The following VEGFC variants were observed in gnomAD, a reference collection of about 807,000 sequenced individuals.
VEGFC encodes FLT4 ligand DHM.
VEGFC carries 12 observed loss-of-function variants against 46.1 expected under a neutral mutation model. The observed-to-expected ratio is 0.26, with a 90% CI of 0.17 to 0.42. The LOEUF (loss-of-function observed/expected upper bound fraction) is 0.42. VEGFC is among the 10% of genes least tolerant of loss of function. VEGFC has a pLI of 1.00. For missense variants in VEGFC, 488 were observed against 529.4 expected (o/e 0.92, Z 0.77); for synonymous variants, 232 against 195.5 (o/e 1.19, Z -1.56).
chr4:176,775,536 T>G lies in VEGFC; in HGVS notation c.147+16629A>C, dbSNP rs191164820. 2.1e-3 allele frequency among the ~76,000 whole-genome samples: 322 copies of G among 152,284 alleles called. 1 individual carries two copies. Among genetic ancestry groups the G allele is most frequent in the Middle Eastern group, 0.01 (3 of 294 alleles). On this transcript the variant is annotated intron_variant, in intron 1 of 6. Transcript: ENST00000618562. ...GTAATTGCAGTTAAAACAGTTCATG[T>G]GACATATGCAAGCAGTTGTTGACAG...
intron 1 of VEGFC, among the ~76,000 whole-genome samples, chr4:176,744,826 A>G (rs1019420600): frequency 1.3e-5 from 2 of 152,064 alleles, no homozygotes; most frequent in Non-Finnish European, 2.9e-5. Context: ...GCAGCCAGTA[A>G]GTAGGAAAGA....
At chr4:176,771,665 T>C (rs1300998888) in intron 1 of VEGFC, among the ~76,000 whole-genome samples, 1 of 152,148 alleles carries the variant, frequency 6.6e-6, no homozygotes, top group East Asian at 1.9e-4. Flanking sequence ...CTAAGGTTCT[T>C]GTTATCTGGT....
Position 176,687,535 on chromosome 4 carries a change from A to AG in VEGFC, c.812-16dup, listed in dbSNP as rs1734066768. ...ATCTGTTGAGTCTAGACAAATAGTC[A>AG]GAGAATCTTTACTATACCTTACTTG... On this transcript the variant is annotated splice_polypyrimidine_tract_variant and intron_variant, in intron 5 of 6. Transcript: ENST00000618562. 1.3e-6 allele frequency: 2 copies of AG among 1,555,104 alleles called. No individual in the cohort carries two copies. Among genetic ancestry groups the AG allele is most frequent in the Non-Finnish European group, 8.7e-7 (1 of 1,153,106 alleles).
intron 1 of VEGFC, among the ~76,000 whole-genome samples, chr4:176,749,141 T>C (rs1288274420): frequency 1.3e-5 from 2 of 151,938 alleles, no homozygotes; most frequent in African/African-American, 2.4e-5. Context: ...TGGTCTCAAA[T>C]AGGGAAGACT....
chr4:176,687,192 T>C lies in VEGFC; in HGVS notation c.1140A>G (p.Thr380=), dbSNP rs1734056095. Residue 380 remains threonine (T), a synonymous_variant, in exon 6 of 7, where the codon ACA becomes ACG. Transcript: ENST00000618562. ...LLKGKKFHHQ[T]CSCYRRPCTN... is the part of the protein sequence containing the mutation. ...TCTTCATGAGGATCTCTTACCTGCA[T>C]GTTTGGTGGTGGAACTTCTTTCCTT... 2.5e-6 allele frequency: 4 copies of C among 1,610,446 alleles called. No homozygotes were observed. In the South Asian group the frequency reaches 3.3e-5, roughly 13 times the overall value.
intron 1 of VEGFC, among the ~76,000 whole-genome samples, chr4:176,752,311 G>T (rs1015885088): frequency 5.3e-5 from 8 of 152,004 alleles, no homozygotes; most frequent in African/African-American, 1.9e-4. Flanking sequence ...GAAAATAAAG[G>T]CCTCAAGAGT....
Position 176,737,203 on chromosome 4 carries a change from A to C in VEGFC, c.148-7457T>G, listed in dbSNP as rs1412513727. Among the ~76,000 whole-genome samples the C allele has an allele frequency of 2.7e-5, 4 of 149,032 alleles. No individual in the cohort carries two copies. The South Asian group carries it at 6.3e-4, about 23-fold the overall frequency. Reference sequence around the variant, plus strand: ...AATTAGTTCATTGAAGGAGGGAATTATATTATAAAGTTTGTTGAAAAATAT... The same window carrying C: ...AATTAGTTCATTGAAGGAGGGAATTCTATTATAAAGTTTGTTGAAAAATAT... On this transcript the variant is annotated intron_variant, in intron 1 of 6. Coordinates refer to ENST00000618562, the MANE Select transcript of VEGFC (RefSeq NM_005429.5).
intron 1 of VEGFC, among the ~76,000 whole-genome samples, chr4:176,774,081 G>A (rs1735768486): frequency 6.6e-6 from 1 of 152,026 alleles, no homozygotes; most frequent in Non-Finnish European, 1.5e-5. Flanking sequence ...TTAAATAAAT[G>A]ACAAGTTAGT....
chr4:176,720,332 G>A (rs1734762746), intron 3 of VEGFC, among the ~76,000 whole-genome samples: 1 of 152,130 alleles, frequency 6.6e-6, no homozygotes, highest in African/African-American at 2.4e-5. Flanking sequence ...TAAAATTTTA[G>A]AATTGTACAT....
At chr4:176,693,643 C>A (rs1422643005) in intron 4 of VEGFC, among the ~76,000 whole-genome samples, 1 of 146,700 alleles carries the variant, frequency 6.8e-6, no homozygotes. Flanking sequence ...AAAGATACTC[C>A]TCGAGAAGAG....
intron 1 of VEGFC, among the ~76,000 whole-genome samples, chr4:176,741,058 T>C (rs1735163610): frequency 6.6e-6 from 1 of 152,010 alleles, no homozygotes; most frequent in Non-Finnish European, 1.5e-5. Flanking sequence ...TAATTAATTG[T>C]TCATTGTCCA....
At chr4:176,782,137 T>C (rs1735927312) in intron 1 of VEGFC, among the ~76,000 whole-genome samples, 1 of 152,222 alleles carries the variant, frequency 6.6e-6, no homozygotes, top group South Asian at 2.1e-4. Context: ...GAATCCTGTT[T>C]CTAACAATAA....
Position 176,792,213 on chromosome 4 carries a change from C to G in VEGFC, c.99G>C (p.Glu33Asp). 6.4e-7 allele frequency: 1 copy of G among 1,563,996 alleles called. No homozygotes were observed. Among genetic ancestry groups the G allele is most frequent in the Non-Finnish European group, 8.6e-7 (1 of 1,157,906 alleles). ...REAPAAAAAF[E>D]SGLDLSDAEP... ...CCGCGTCCGAGAGGTCGAGTCCGGA[C>G]TCGAAGGCGGCGGCGGCGGCGGGCG... is the stretch of plus-strand genomic sequence containing the variant. Residue 33 changes from glutamate (E) to aspartate (D), a missense_variant, in exon 1 of 7, where the codon GAG (glutamate) becomes GAC (aspartate). Physicochemically the swap from Glu to Asp is conservative, Grantham distance 45. Coordinates refer to ENST00000618562, the MANE Select transcript of VEGFC (RefSeq NM_005429.5). The surrounding 1 kb of genome is among the most constrained non-coding windows in gnomAD (Gnocchi z 6.3).
Position 176,683,929 on chromosome 4 carries a change from G to A in VEGFC, c.1257C>T (p.Ser419=), listed in dbSNP as rs1560930745. 2 of 1,608,466 alleles carry A rather than the reference G, an allele frequency of 1.2e-6. No individual in the cohort carries two copies. Among genetic ancestry groups the A allele is most frequent in the South Asian group, 2.2e-5 (2 of 90,962 alleles). The part of the protein sequence containing the change: ...VPSYWKRPQM[S] ...TGAACTGGAAAACAGTACAATCTTA[G>A]CTCATTTGTGGTCTTTTCCAATATG... Residue 419 remains serine (S), a synonymous_variant, in exon 7 of 7, where the codon AGC becomes AGT. Coordinates refer to ENST00000618562, the MANE Select transcript of VEGFC (RefSeq NM_005429.5).
chr4:176,751,220 A>G (rs922618508), intron 1 of VEGFC, among the ~76,000 whole-genome samples: 1 of 151,924 alleles, frequency 6.6e-6, no homozygotes, highest in Non-Finnish European at 1.5e-5. Flanking sequence ...AAACCAAACA[A>G]AATTCTTTGA....
chr4:176,785,336 G>T (rs1264768500), intron 1 of VEGFC, among the ~76,000 whole-genome samples: 1 of 152,136 alleles, frequency 6.6e-6, no homozygotes, highest in East Asian at 1.9e-4. Context: ...ACAGGTTGAA[G>T]CCAAACTTCT....
chr4:176,761,295 C>T (rs1383280905), intron 1 of VEGFC, among the ~76,000 whole-genome samples: 8 of 152,056 alleles, frequency 5.3e-5, no homozygotes, highest in African/African-American at 1.7e-4. Flanking sequence ...TATAAATATC[C>T]TTAGCCTAGG....
At chr4:176,694,009 C>T (rs1435721177) in intron 4 of VEGFC, among the ~76,000 whole-genome samples, 2 of 151,388 alleles carry the variant, frequency 1.3e-5, no homozygotes, top group African/African-American at 2.4e-5. Context: ...CAACTGGTAC[C>T]AGCCGCTGCA....
intron 1 of VEGFC, among the ~76,000 whole-genome samples, chr4:176,777,131 G>A (rs1255133548): frequency 6.6e-6 from 1 of 151,302 alleles, no homozygotes; most frequent in Non-Finnish European, 1.5e-5. Flanking sequence ...GGCTAACATG[G>A]TGAAACCCCA....
Sources: allele counts gnomAD v4.1 joint callset (sites outside exome capture counted in the v4.1 genomes callset), GRCh38; gene constraint gnomAD v4.1.1; non-coding constraint Gnocchi (gnomAD v3.1); transcripts MANE v1.5; gene names NCBI Gene and HGNC (gene_info 2026-07-23, HGNC 2026-07-21).